Variants in ADGRL2 observed in about 807,000 individuals in gnomAD.
ADGRL2 encodes adhesion G protein-coupled receptor L2.
Under a neutral mutation model 157.4 loss-of-function variants are expected in ADGRL2, and 44 were observed. That is an observed-to-expected ratio of 0.28 (90% confidence interval 0.22 to 0.36). The LOEUF (loss-of-function observed/expected upper bound fraction) is 0.36. Ranked by LOEUF, ADGRL2 falls within the 10% of genes least tolerant of loss-of-function variation. The probability of loss-of-function intolerance (pLI) is 1.00; values close to 1 mark genes in which losing one functional copy is unlikely to be tolerated. For missense variants in ADGRL2, 1,510 were observed against 1,768.9 expected, an observed-to-expected ratio of 0.85 and a Z score of 2.63; for synonymous variants, 585 against 624.7, an observed-to-expected ratio of 0.94 and a Z score of 0.95.
At chr1:81,766,875 C>T (rs1009898418) in intron 2 of ADGRL2, among the ~76,000 whole-genome samples, 5 of 148,708 alleles carry the variant, frequency 3.4e-5, no homozygotes, top group Non-Finnish European at 6.0e-5. Context: ...AAAAGAAATG[C>T]AGATCGTGAA....
intron 1 of ADGRL2, among the ~76,000 whole-genome samples, chr1:81,821,418 A>C (rs1571430442): frequency 6.6e-6 from 1 of 152,254 alleles, no homozygotes; most frequent in East Asian, 1.9e-4. Context: ...GTGGGTCATT[A>C]CATACCACAG....
At chr1:81,686,524 CTT>C (rs1184936058) in intron 3 of ADGRL2, among the ~76,000 whole-genome samples, 1 of 152,064 alleles carries the variant, frequency 6.6e-6, no homozygotes, top group Non-Finnish European at 1.5e-5. Context: ...GATTTTCTCT[CTT>C]CTTAGTTAAT....
chr1:81,712,627 G>A (rs1286319375), intron 1 of ADGRL2, among the ~76,000 whole-genome samples: 1 of 152,126 alleles, frequency 6.6e-6, no homozygotes, highest in African/African-American at 2.4e-5. Flanking sequence ...GTCTAACTGG[G>A]AAATCCCTGT....
chr1:81,556,355 G>A (rs1416880340), intron 2 of ADGRL2, among the ~76,000 whole-genome samples: 1 of 111,214 alleles, frequency 9.0e-6, no homozygotes, highest in East Asian at 2.7e-4. Context: ...GTCTCACTCT[G>A]TCACCCAGGC....
chr1:81,589,289 T>C (rs2081086465), intron 3 of ADGRL2, among the ~76,000 whole-genome samples: 1 of 152,132 alleles, frequency 6.6e-6, no homozygotes, highest in South Asian at 2.1e-4. Flanking sequence ...TCCACAAAGA[T>C]GATGCCCTGT....
intron 3 of ADGRL2, among the ~76,000 whole-genome samples, chr1:81,935,184 A>G (rs1479573465): frequency 6.6e-6 from 1 of 151,976 alleles, no homozygotes; most frequent in Non-Finnish European, 1.5e-5. Context: ...AAATTTCTTC[A>G]GATGAGTGAA....
intron 2 of ADGRL2, among the ~76,000 whole-genome samples, chr1:81,852,886 T>C (rs2093065157): frequency 6.6e-6 from 1 of 152,184 alleles, no homozygotes; most frequent in Admixed American, 6.6e-5. Context: ...TAACTGTGCT[T>C]AAGAAAAATC....
intron 2 of ADGRL2, among the ~76,000 whole-genome samples, chr1:81,459,967 G>C (rs1321898394): frequency 2.6e-5 from 4 of 152,078 alleles, no homozygotes; most frequent in African/African-American, 9.6e-5. Flanking sequence ...CCTACCAGCA[G>C]TTTGCAAGGG....
At chr1:81,364,674 C>T (rs1029832918) in intron 1 of ADGRL2, among the ~76,000 whole-genome samples, 1 of 151,414 alleles carries the variant, frequency 6.6e-6, no homozygotes, top group African/African-American at 2.4e-5. Context: ...TTTGAGGAGT[C>T]AGGAACAATA....
chr1:81,992,746 A>G lies in ADGRL2; in HGVS notation c.*1601A>G, dbSNP rs1033694321. Among the ~76,000 whole-genome samples the G allele has an allele frequency of 2.6e-5, 4 of 152,106 alleles. No homozygotes were observed. The highest frequency in any genetic ancestry group is 7.2e-5 in the African/African-American group (3 of 41,446). ...ATAAAAAGTTTTTAACTGATTTTTC[A>G]GCAGTATTGGGAAGTTTCTTAAACA... On this transcript the variant is annotated 3_prime_UTR_variant, in exon 24 of 24. Coordinates refer to ENST00000686636, the MANE Select transcript of ADGRL2 (RefSeq NM_001366006.2).
At chr1:81,485,460 A>G (rs576938275) in intron 2 of ADGRL2, among the ~76,000 whole-genome samples, 1 of 152,180 alleles carries the variant, frequency 6.6e-6, no homozygotes, top group Non-Finnish European at 1.5e-5. Context: ...TGTATCTGAT[A>G]TTAAAGCAGA....
At chr1:81,476,276 A>G (rs2078271487) in intron 2 of ADGRL2, among the ~76,000 whole-genome samples, 1 of 152,184 alleles carries the variant, frequency 6.6e-6, no homozygotes. Context: ...GGTCTCCACT[A>G]TTATACCTTA....
At chr1:81,669,856 T>C (rs897232896) in intron 3 of ADGRL2, among the ~76,000 whole-genome samples, 1 of 146,102 alleles carries the variant, frequency 6.8e-6, no homozygotes, top group African/African-American at 2.6e-5. Context: ...GGCAGGAGAA[T>C]GGCATGAACC....
intron 1 of ADGRL2, among the ~76,000 whole-genome samples, chr1:81,396,170 C>G (rs1176667432): frequency 6.6e-6 from 1 of 152,158 alleles, no homozygotes; most frequent in Non-Finnish European, 1.5e-5. Flanking sequence ...GCGTCCTCTA[C>G]AATTTCTTTC....
At chr1:81,834,534 C>T (rs2092160443) in intron 1 of ADGRL2, among the ~76,000 whole-genome samples, 1 of 152,068 alleles carries the variant, frequency 6.6e-6, no homozygotes, top group Non-Finnish European at 1.5e-5. Context: ...TTTCAACTTT[C>T]ATTAACATTT....
In ADGRL2 at chr1:81,955,958, C is replaced by T. The variant is rs1484607410; in HGVS notation, c.1915C>T (p.His639Tyr). 1 of 1,610,654 alleles carries T rather than the reference C, an allele frequency of 6.2e-7. No individual in the cohort carries two copies. The highest frequency in any genetic ancestry group is 8.5e-7 in the Non-Finnish European group (1 of 1,178,468). Residue 639 changes from histidine to tyrosine, a missense_variant, in exon 11 of 24, where the codon CAT becomes TAT. Around this residue, in one of 4 missense-constraint regions of ADGRL2, gnomAD observed 325 missense variants for 333.2 expected, o/e 0.98. Transcript: ENST00000686636. ...WKHMNSSEQA[H>Y]TATMLLDTLE... ...ACATATGAATTCTTCTGAACAAGCA[C>T]ATACTGCAACAATGTTACTCGATAC...
chr1:81,923,636 TA>T (rs1298011178), intron 3 of ADGRL2, among the ~76,000 whole-genome samples: 1 of 152,152 alleles, frequency 6.6e-6, no homozygotes, highest in Non-Finnish European at 1.5e-5. Context: ...ACAACTAGTG[TA>T]TACCTGAAGA....
At chr1:81,494,317 G>A (rs1004972256) in intron 2 of ADGRL2, among the ~76,000 whole-genome samples, 9 of 151,962 alleles carry the variant, frequency 5.9e-5, no homozygotes, top group South Asian at 2.1e-4. Context: ...GTCTATACTC[G>A]TCATTTTAAA....
intron 2 of ADGRL2, chr1:81,503,452 A>T: frequency 6.2e-7 from 1 of 1,612,360 alleles, no homozygotes; most frequent in South Asian, 1.1e-5. Context: ...AGAGCCCTCC[A>T]CCAGCTGGTC....
Sources: gnomAD v4.1 joint callset for allele counts (sites outside exome capture counted in the v4.1 genomes callset) on GRCh38, gnomAD v4.1.1 for gene constraint, gnomAD v4.1.1 regional missense constraint, MANE v1.5 for transcripts, NCBI Gene and HGNC (gene_info 2026-07-23, HGNC 2026-07-21) for gene names.